The following TBCD variants were observed in gnomAD, a reference collection of about 807,000 sequenced individuals.
TBCD encodes the protein tubulin folding cofactor D.
Under a neutral mutation model 169.3 loss-of-function variants are expected in TBCD, and 105 were observed. The observed-to-expected ratio is 0.62, with a 90% confidence interval of 0.53 to 0.73. The LOEUF is 0.73. TBCD is among the 30% of genes least tolerant of loss of function. The pLI, the probability that TBCD is intolerant of heterozygous loss-of-function variation, is 0.00. For missense variants in TBCD, 1,444 were observed against 1,600.1 expected (o/e 0.90, Z 1.66); for synonymous variants, 700 against 643.9 (o/e 1.09, Z -1.32).
intron 13 of TBCD, among the ~76,000 whole-genome samples, chr17:82,826,210 A>G (rs2052832482): frequency 6.6e-6 from 1 of 151,792 alleles, no homozygotes. Flanking sequence ...TTTTTTCCAC[A>G]GGTGTTCATG....
chr17:82,918,166 G>T (rs986437590), intron 23 of TBCD: 1 of 153,876 alleles, frequency 6.5e-6, no homozygotes, highest in Admixed American at 6.5e-5. Flanking sequence ...TCGAGGCCCT[G>T]CCTCTAACTG....
intron 23 of TBCD, among the ~76,000 whole-genome samples, chr17:82,917,062 C>CAGG (rs1420294766): frequency 1.4e-5 from 2 of 139,078 alleles, no homozygotes; most frequent in African/African-American, 5.3e-5. Context: ...GCTCTGTCAC[C>CAGG]AGGCTGGAGT....
intron 13 of TBCD, among the ~76,000 whole-genome samples, chr17:82,854,301 G>GAAA (rs1469550051): frequency 1.3e-5 from 2 of 152,318 alleles, no homozygotes; most frequent in East Asian, 3.9e-4. Flanking sequence ...ACCCCAAGGG[G>GAAA]AAAAAGATCC....
At chr17:82,911,901 G>C (rs2060672504) in intron 23 of TBCD, 112 bp downstream of exon 23, 1 of 1,099,316 alleles carries the variant, frequency 9.1e-7, no homozygotes, top group African/African-American at 1.5e-5. Context: ...TGAAGGGCTG[G>C]GTGTGTTTCT....
At chr17:82,775,363 C>A (rs948655356) in intron 6 of TBCD, among the ~76,000 whole-genome samples, 3 of 152,128 alleles carry the variant, frequency 2.0e-5, no homozygotes, top group Non-Finnish European at 4.4e-5. Flanking sequence ...GGTGCTTGGC[C>A]GGTTCCCTCG....
At position 82,942,466 on chromosome 17, in the gene TBCD, C is replaced by T. The variant is rs748255022; in HGVS notation, c.*3C>T. The T allele has an allele frequency of 1.2e-5, 19 of 1,613,962 alleles. No homozygotes were observed. The highest frequency in any genetic ancestry group is 1.6e-5 in the Non-Finnish European group (19 of 1,179,884). On this transcript the variant is annotated 3_prime_UTR_variant, in exon 39 of 39. Coordinates refer to ENST00000355528, the MANE Select transcript of TBCD (RefSeq NM_005993.5). ...TTCTTCAGCCTGGTGCCTGCTGAAG[C>T]CAGTCCTGGAGCCCATACCTCACCC...
At position 82,889,841 on chromosome 17, in the gene TBCD, G is replaced by A; in HGVS notation, c.1563+144G>A. The A allele has an allele frequency of 1.1e-6, 1 of 896,322 alleles. No homozygotes were observed. Among genetic ancestry groups the A allele is most frequent in the Non-Finnish European group, 1.7e-6 (1 of 590,716 alleles). The allele number at this position is 896,322 out of a possible 1,614,324, so 55.5% of individuals were successfully genotyped here. On this transcript the variant is annotated intron_variant, in intron 16 of 38. Coordinates refer to ENST00000355528, the MANE Select transcript of TBCD (RefSeq NM_005993.5). This position sits in a 1 kb window ranked among gnomAD's most constrained non-coding sequence, Gnocchi z 5.3. Reference sequence around the variant, plus strand: ...ATGCCAGGGTCATGAGTTCACTATAGGACGCACATGTTAAACAGCGAGTCC... The same window carrying A: ...ATGCCAGGGTCATGAGTTCACTATAAGACGCACATGTTAAACAGCGAGTCC...
chr17:82,932,992 T>C (rs1327105143), intron 34 of TBCD: 2 of 498,960 alleles, frequency 4.0e-6, no homozygotes, highest in Non-Finnish European at 7.2e-6. Flanking sequence ...GGCCCTGCTG[T>C]GCACTCTCCC....
intron 4 of TBCD, among the ~76,000 whole-genome samples, chr17:82,767,911 G>A (rs2048098904): frequency 6.6e-6 from 1 of 151,134 alleles, no homozygotes; most frequent in East Asian, 2.0e-4. Flanking sequence ...GCGAGGTTGC[G>A]CCACTGCACT....
chr17:82,843,644 G>A (rs753855425), intron 13 of TBCD, among the ~76,000 whole-genome samples: 1 of 143,730 alleles, frequency 7.0e-6, no homozygotes, highest in Non-Finnish European at 1.5e-5. Flanking sequence ...CAGCTTAATC[G>A]TCTTGCTGCA....
intron 2 of TBCD, among the ~76,000 whole-genome samples, chr17:82,758,897 C>T (rs1029139628): frequency 1.3e-5 from 2 of 151,636 alleles, no homozygotes; most frequent in South Asian, 2.1e-4. Context: ...CTGACCCCCA[C>T]GTGATCTGCC....
rs1044819332 is a variant in TBCD, at chr17:82,885,792, A to G, written c.1533+1590A>G. Among the ~76,000 whole-genome samples the G allele has an allele frequency of 5.3e-5, 8 of 152,202 alleles. No homozygotes were observed. The East Asian group carries it at 1.5e-3, about 29-fold the overall frequency. On this transcript the variant is annotated intron_variant, in intron 15 of 38. Coordinates refer to ENST00000355528, the MANE Select transcript of TBCD (RefSeq NM_005993.5). ...CACATTAAAATCCCTTTAAATTGGC[A>G]ATAAATCTTTTCTGATAAATACCAC...
In TBCD at chr17:82,925,046, C is replaced by T. The variant is rs200557085; in HGVS notation, c.2368C>T (p.Arg790Trp). 108 of 1,556,350 alleles carry T rather than the reference C, an allele frequency of 6.9e-5. No homozygotes were observed. Among genetic ancestry groups the T allele is most frequent in the African/African-American group, 4.2e-4 (31 of 73,578 alleles). The change falls in exon 27 of 39, where the codon CGG (arginine) becomes TGG (tryptophan). Residue 790 changes from arginine (R) to tryptophan (W), a missense_variant. Physicochemically the swap from Arg to Trp is moderately radical, Grantham distance 101. Transcript: ENST00000355528. ...GALPGFLLKG[R>W]LQQVLTGLRA... ...CCTTCCAGGCTTCCTTCTGAAAGGC[C>T]GGCTCCAGCAGGTGAGGCTGGCCAC...
intron 34 of TBCD, among the ~76,000 whole-genome samples, chr17:82,934,214 G>A (rs1232162064): frequency 1.3e-5 from 2 of 152,214 alleles, no homozygotes; most frequent in Admixed American, 6.5e-5. Context: ...CGGGCTTCCC[G>A]CTGGAGTCTG....
chr17:82,809,932 A>C, intron 12 of TBCD, 150 bp downstream of exon 12: 1 of 663,004 alleles, frequency 1.5e-6, no homozygotes, highest in Non-Finnish European at 2.6e-6. Flanking sequence ...TAAACTTGAG[A>C]ACTCTTGTTA....
chr17:82,899,033 G>A (rs1323578772), intron 17 of TBCD, among the ~76,000 whole-genome samples: 3 of 152,244 alleles, frequency 2.0e-5, no homozygotes, highest in Non-Finnish European at 4.4e-5. Flanking sequence ...GGGGAAGGTC[G>A]TATCCATGGA....
rs182698349 is a variant in TBCD at position 82,838,995 on chromosome 17, G to T, written c.1318+24061G>T. The T allele has an allele frequency of 3.0e-6, 3 of 984,470 alleles. No individual in the cohort carries two copies. In the East Asian group the frequency reaches 3.4e-4, roughly 112 times the overall value. 61.0% of individuals were successfully genotyped at this position (984,470 alleles called of 1,614,324 possible). On this transcript the variant is annotated intron_variant, in intron 13 of 38. Transcript: ENST00000355528. The stretch of plus-strand genomic sequence containing the variant: ...GTTCTCCTCCAAATCAAGTTTATGA[G>T]AAATTTCATATAAGGAAAAAAACCC...
At chr17:82,912,625 GT>G (rs1425663443) in intron 23 of TBCD, among the ~76,000 whole-genome samples, 22 of 151,686 alleles carry the variant, frequency 1.5e-4, no homozygotes, top group African/African-American at 5.4e-4. Context: ...AAAAATCGCG[GT>G]TGTGTGCAGA....
intron 14 of TBCD, among the ~76,000 whole-genome samples, chr17:82,873,040 C>G (rs1421649718): frequency 6.6e-6 from 1 of 151,908 alleles, no homozygotes; most frequent in Non-Finnish European, 1.5e-5. Context: ...CTCCCAGGCC[C>G]TGGCCCGGGG....
Sources: allele counts gnomAD v4.1 joint callset (sites outside exome capture counted in the v4.1 genomes callset), GRCh38; gene constraint gnomAD v4.1.1; non-coding constraint Gnocchi (gnomAD v3.1); transcripts MANE v1.5; gene names NCBI Gene and HGNC (gene_info 2026-07-23, HGNC 2026-07-21).